The following SCN10A variants were observed in gnomAD, a reference collection of about 807,000 sequenced individuals.
SCN10A encodes sodium channel protein type 10 subunit alpha.
Under a neutral mutation model 170.7 loss-of-function variants are expected in SCN10A, and 162 were observed. The observed-to-expected ratio is 0.95, with a 90% CI of 0.84 to 1.08. The LOEUF (loss-of-function observed/expected upper bound fraction) is 1.08, where lower values mean the gene tolerates loss of function less well. Among genes scored for constraint, SCN10A ranks in the 50% least tolerant of loss-of-function variants. SCN10A has a pLI of 0.00. For missense variants in SCN10A, 2,527 were observed against 2,436.9 expected (o/e 1.04, Z -0.78); for synonymous variants, 985 against 904.6 (o/e 1.09, Z -1.59).
chr3:38,697,143 G>A lies in SCN10A; in HGVS notation c.*206C>T. On this transcript the variant is annotated 3_prime_UTR_variant, in exon 28 of 28. Transcript: ENST00000449082. ...GAAATTCAGAAGGGAAATCACAGTG[G>A]AAGTGCTCTTAGCTTCTGACTCCTA... is the stretch of plus-strand genomic sequence containing the variant. The A allele has an allele frequency of 1.5e-6, 1 of 655,272 alleles. No homozygotes were observed. Among genetic ancestry groups the A allele is most frequent in the Non-Finnish European group, 2.5e-6 (1 of 397,356 alleles). The allele number at this position is 655,272 out of a possible 1,614,324, so 40.6% of individuals were successfully genotyped here. A position where few individuals can be genotyped will look rare whatever the true frequency, so the allele number is the denominator to read the frequency against.
Position 38,761,248 on chromosome 3 carries a change from C to A in SCN10A, c.827G>T (p.Cys276Phe). Reference sequence around the variant, plus strand: ...ATTGACAGCCATGTCATTCTTGACACATTTATTTTTGAGGTTGCCCTTGAA... The same window carrying A: ...ATTGACAGCCATGTCATTCTTGACAAATTTATTTTTGAGGTTGCCCTTGAA... ...QLFKGNLKNK[C>F]VKNDMAVNET... Residue 276 changes from cysteine to phenylalanine, a missense_variant, in exon 7 of 28, where the codon TGT becomes TTT. By Grantham distance (205) the Cys-to-Phe change is radical. Transcript: ENST00000449082. 6.2e-7 allele frequency: 1 copy of A among 1,613,962 alleles called. No homozygotes were observed. The highest frequency in any genetic ancestry group is 1.1e-5 in the South Asian group (1 of 91,030).
intron 26 of SCN10A, among the ~76,000 whole-genome samples, chr3:38,703,568 A>C (rs2063179434): frequency 6.6e-6 from 1 of 152,232 alleles, no homozygotes; most frequent in African/African-American, 2.4e-5. Context: ...TATTAGATCC[A>C]AGGACGCTTG....
chr3:38,711,644 A>G (rs146002710), intron 23 of SCN10A, among the ~76,000 whole-genome samples: 1 of 152,336 alleles, frequency 6.6e-6, no homozygotes, highest in Non-Finnish European at 1.5e-5. Context: ...ATGTATAAGT[A>G]ATTGTATTAA....
Position 38,714,058 on chromosome 3 carries a change from G to A in SCN10A, c.3704C>T (p.Ala1235Val), listed in dbSNP as rs765984332. 5.1e-5 allele frequency: 82 copies of A among 1,614,146 alleles called. No individual in the cohort carries two copies. The highest frequency in any genetic ancestry group is 1.6e-4 in the African/African-American group (12 of 75,050). Residue 1235 changes from alanine (A) to valine (V), a missense_variant, in exon 22 of 28, where the codon GCG becomes GTG. Transcript: ENST00000449082. ...IVNISLISLT[A>V]KILEYSEVAP... Reference sequence around the variant, plus strand: ...CACTTCAGAATATTCCAGAATCTTCGCTGTGAGACTTATCAGTGAGATCTG... The same window carrying A: ...CACTTCAGAATATTCCAGAATCTTCACTGTGAGACTTATCAGTGAGATCTG...
At chr3:38,705,004 T>C (rs2063194829) in intron 26 of SCN10A, among the ~76,000 whole-genome samples, 1 of 152,252 alleles carries the variant, frequency 6.6e-6, no homozygotes, top group South Asian at 2.1e-4. Flanking sequence ...AGAGGGAAGA[T>C]GATCCGGCTT....
chr3:38,794,295 C>T (rs1474758621), intron 1 of SCN10A, among the ~76,000 whole-genome samples: 1 of 152,098 alleles, frequency 6.6e-6, no homozygotes, highest in African/African-American at 2.4e-5. Flanking sequence ...GTCATTGCTT[C>T]TTCACCACTT....
At chr3:38,746,513 T>C (rs60969309) in intron 13 of SCN10A, among the ~76,000 whole-genome samples, 30,568 of 151,842 alleles carry the variant, frequency 0.2, 3,629 homozygotes, top group East Asian at 0.4. Context: ...TTTTATAAAA[T>C]GCAAATGTAA....
At chr3:38,756,606 A>T in intron 10 of SCN10A, 68 bp downstream of exon 10, 1 of 1,295,354 alleles carries the variant, frequency 7.7e-7, no homozygotes, top group South Asian at 1.2e-5. Flanking sequence ...TGAAGTGGCT[A>T]GTCCAGAACA....
At chr3:38,812,008 G>A (rs1394780570) in intron 1 of SCN10A, among the ~76,000 whole-genome samples, 1 of 152,186 alleles carries the variant, frequency 6.6e-6, no homozygotes, top group African/African-American at 2.4e-5. Flanking sequence ...AATACTTCCT[G>A]AGCACCTTGA....
At chr3:38,797,381 G>A (rs1009466874) in intron 1 of SCN10A, among the ~76,000 whole-genome samples, 1 of 152,036 alleles carries the variant, frequency 6.6e-6, no homozygotes, top group Non-Finnish European at 1.5e-5. Context: ...CTTCCTTAAT[G>A]TCCTCCATTA....
chr3:38,711,488 A>G (rs1465475466), intron 23 of SCN10A, among the ~76,000 whole-genome samples: 1 of 152,208 alleles, frequency 6.6e-6, no homozygotes, highest in Non-Finnish European at 1.5e-5. Flanking sequence ...CTCATACAGC[A>G]TCAGTGTCCA....
chr3:38,731,870 A>C (rs1028136509), intron 15 of SCN10A, among the ~76,000 whole-genome samples: 5 of 152,212 alleles, frequency 3.3e-5, no homozygotes, highest in African/African-American at 1.2e-4. Context: ...TCTAATAAAA[A>C]TACTGCCTTG....
Position 38,760,686 on chromosome 3 carries a change from G to A in SCN10A, c.945C>T (p.Asp315=). The A allele has an allele frequency of 1.2e-6, 2 of 1,613,496 alleles. No individual in the cohort carries two copies. Among genetic ancestry groups the A allele is most frequent in the Non-Finnish European group, 1.7e-6 (2 of 1,179,366 alleles). The change falls in exon 8 of 28, where the codon GAC becomes GAT. Residue 315 remains aspartate (D), a synonymous_variant. Coordinates refer to ENST00000449082, the MANE Select transcript of SCN10A (RefSeq NM_006514.4). ...GTCATAAGTTGGGAACTCACCCTGA[G>A]TCAGATCCATTGCCACACAGTAAGG... ...SDPLLCGNGS[D]SGHCPDGYIC...
In SCN10A at chr3:38,739,688, C is replaced by T. The variant is rs762338672; in HGVS notation, c.2107G>A (p.Val703Ile). The T allele has an allele frequency of 2.5e-6, 4 of 1,609,790 alleles. No homozygotes were observed. The highest frequency in any genetic ancestry group is 2.2e-5 in the East Asian group (1 of 44,776). The stretch of plus-strand genomic sequence containing the variant: ...TCAGCAGTAAAAAATATGGTAAAGA[C>T]CTAGGAGTGGAAACAAGCTTTCATC... Reference protein sequence around the residue: ...FEAMLQIGNIVFTIFFTAEMV... With the variant: ...FEAMLQIGNIIFTIFFTAEMV... Residue 703 changes from valine to isoleucine, a missense_variant and splice_region_variant, in exon 15 of 28, where the codon GTC becomes ATC. Physicochemically the swap from Val to Ile is conservative, Grantham distance 29. Coordinates refer to ENST00000449082, the MANE Select transcript of SCN10A (RefSeq NM_006514.4).
intron 15 of SCN10A, among the ~76,000 whole-genome samples, chr3:38,737,683 T>C (rs908251390): frequency 6.6e-6 from 1 of 152,018 alleles, no homozygotes; most frequent in Non-Finnish European, 1.5e-5. Flanking sequence ...CTGACTTTTT[T>C]GGAAAATTAG....
intron 1 of SCN10A, among the ~76,000 whole-genome samples, chr3:38,805,891 A>G (rs191397931): frequency 0.017 from 2,539 of 152,254 alleles, 33 homozygotes; most frequent in Non-Finnish European, 0.025. Context: ...GATAATAGCT[A>G]GGTAATCTGT....
chr3:38,723,757 C>T (rs2063422030), intron 18 of SCN10A, among the ~76,000 whole-genome samples: 1 of 152,208 alleles, frequency 6.6e-6, no homozygotes, highest in South Asian at 2.1e-4. Flanking sequence ...CTGGCAATGG[C>T]CCGAGACACC....
At chr3:38,802,037 G>A (rs1353868282) in intron 1 of SCN10A, among the ~76,000 whole-genome samples, 1 of 152,034 alleles carries the variant, frequency 6.6e-6, no homozygotes, top group Non-Finnish European at 1.5e-5. Context: ...TCCCCTCTGT[G>A]TTCCCTATCT....
intron 1 of SCN10A, among the ~76,000 whole-genome samples, chr3:38,796,727 A>G (rs2064343565): frequency 1.3e-5 from 2 of 152,094 alleles, no homozygotes; most frequent in Non-Finnish European, 2.9e-5. Flanking sequence ...GCTTTGAGAC[A>G]ATTTCTTCCA....
Sources: allele counts gnomAD v4.1 joint callset (sites outside exome capture counted in the v4.1 genomes callset), GRCh38; gene constraint gnomAD v4.1.1; transcripts MANE v1.5; gene names NCBI Gene and HGNC (gene_info 2026-07-23, HGNC 2026-07-21).